INPP5B: variants seen among roughly 807,000 people sequenced by gnomAD.
The protein encoded by INPP5B is type II inositol 1,4,5-trisphosphate 5-phosphatase.
In INPP5B, 90 loss-of-function variants were observed where a neutral mutation model predicts 118.5. That is an observed-to-expected ratio of 0.76 (90% CI 0.64 to 0.90). The LOEUF is 0.90. Among genes scored for constraint, INPP5B ranks in the 40% least tolerant of loss-of-function variants. The probability of loss-of-function intolerance (pLI) is 0.00; values close to 1 mark genes in which losing one functional copy is unlikely to be tolerated. For missense variants in INPP5B, 984 were observed against 1,125.6 expected, an observed-to-expected ratio of 0.87 and a Z score of 1.80; for synonymous variants, 385 against 418.9, an observed-to-expected ratio of 0.92 and a Z score of 0.99.
intron 7 of INPP5B, among the ~76,000 whole-genome samples, chr1:37,896,862 G>A (rs1285454408): frequency 2.9e-5 from 4 of 137,340 alleles, no homozygotes; most frequent in Admixed American, 7.0e-5. Context: ...GGGGAAGTGA[G>A]GAGCCCCTCT....
At chr1:37,874,623 C>A (rs2148471699) in intron 17 of INPP5B, among the ~76,000 whole-genome samples, 1 of 152,268 alleles carries the variant, frequency 6.6e-6, no homozygotes, top group East Asian at 1.9e-4. Flanking sequence ...CATGGCAAAA[C>A]CCCATCTCTA....
rs970514789 is a variant in INPP5B, at chr1:37,886,055, G to A, written c.1132-230C>T. On this transcript the variant is annotated intron_variant, in intron 12 of 23. Coordinates refer to ENST00000373024, the MANE Select transcript of INPP5B (RefSeq NM_005540.3). ...TAGCTGGGTGTGGTGGCAGGCGCCT[G>A]TCATCCCAGCTACTCGGGAGGCTGA... Among the ~76,000 whole-genome samples, 4 of 152,090 alleles carry A rather than the reference G, an allele frequency of 2.6e-5. No homozygotes were observed. The East Asian group carries it at 7.8e-4, about 30-fold the overall frequency.
chr1:37,910,807 T>A (rs949914752), intron 7 of INPP5B, among the ~76,000 whole-genome samples: 1 of 152,158 alleles, frequency 6.6e-6, no homozygotes, highest in African/African-American at 2.4e-5. Context: ...TCGACCAAAT[T>A]GTCTTGCCTA....
intron 7 of INPP5B, among the ~76,000 whole-genome samples, chr1:37,894,610 G>A (rs1451892578): frequency 2.1e-5 from 3 of 145,756 alleles, no homozygotes; most frequent in African/African-American, 7.7e-5. Flanking sequence ...TGCCCAGGCT[G>A]GAGTGCAGTG....
At chr1:37,893,022 T>A (rs569416299) in intron 7 of INPP5B, among the ~76,000 whole-genome samples, 2 of 151,912 alleles carry the variant, frequency 1.3e-5, no homozygotes, top group African/African-American at 4.8e-5. Flanking sequence ...GAAAAATAAA[T>A]CTCTGATCTC....
At chr1:37,938,943 C>T (rs920667001) in intron 6 of INPP5B, among the ~76,000 whole-genome samples, 10 of 152,014 alleles carry the variant, frequency 6.6e-5, no homozygotes, top group Non-Finnish European at 1.5e-4. Context: ...CCTGTAATCC[C>T]AGCACTTTGG....
chr1:37,919,010 C>A (rs575710793), intron 7 of INPP5B, among the ~76,000 whole-genome samples: 1 of 152,308 alleles, frequency 6.6e-6, no homozygotes, highest in Admixed American at 6.5e-5. Context: ...CAGACATGCT[C>A]AAGGACATAG....
chr1:37,922,254 T>C (rs1002495649), intron 7 of INPP5B, among the ~76,000 whole-genome samples: 7 of 151,952 alleles, frequency 4.6e-5, no homozygotes, highest in African/African-American at 1.4e-4. Context: ...CCAGACATGG[T>C]GGCACATGTC....
At chr1:37,877,486 T>G (rs1281342346) in intron 16 of INPP5B, among the ~76,000 whole-genome samples, 2 of 152,184 alleles carry the variant, frequency 1.3e-5, no homozygotes, top group East Asian at 3.8e-4. Flanking sequence ...GACAAGGGTA[T>G]GGGAAAATAA....
chr1:37,876,181 G>A (rs1642790744), intron 16 of INPP5B, among the ~76,000 whole-genome samples: 1 of 149,924 alleles, frequency 6.7e-6, no homozygotes, highest in Non-Finnish European at 1.5e-5. Flanking sequence ...TTGGCTCACT[G>A]CAACCTCCGC....
intron 20 of INPP5B, 66 bp downstream of exon 20, chr1:37,868,435 C>A (rs996055800): frequency 8.7e-6 from 9 of 1,030,960 alleles, no homozygotes; most frequent in African/African-American, 6.3e-5. Context: ...GAAAAAAGTT[C>A]TTGGGGCTGA....
Position 37,880,057 on chromosome 1 carries a change from C to T in INPP5B, c.1541+28G>A, listed in dbSNP as rs550008668. The T allele has an allele frequency of 1.4e-5, 21 of 1,504,644 alleles. No individual in the cohort carries two copies. The Admixed American group carries it at 1.6e-4, about 11-fold the overall frequency. The allele number at this position is 1,504,644 out of a possible 1,614,324, so 93.2% of individuals were successfully genotyped here. ...CAGAATTTCTGGGTTTCCGTTTGCTCAACCCTTTGAAGCAACCTCTGACCT... is the reference window on the plus strand; with the variant it reads ...CAGAATTTCTGGGTTTCCGTTTGCTTAACCCTTTGAAGCAACCTCTGACCT... On this transcript the variant is annotated intron_variant, in intron 15 of 23. Coordinates refer to ENST00000373024, the MANE Select transcript of INPP5B (RefSeq NM_005540.3).
intron 7 of INPP5B, among the ~76,000 whole-genome samples, chr1:37,915,613 A>G (rs1644836671): frequency 6.6e-6 from 1 of 152,264 alleles, no homozygotes; most frequent in Non-Finnish European, 1.5e-5. Context: ...CTGTGTGCAT[A>G]GATACCACAC....
At chr1:37,922,366 G>A (rs184201348) in intron 7 of INPP5B, among the ~76,000 whole-genome samples, 4 of 152,144 alleles carry the variant, frequency 2.6e-5, no homozygotes, top group East Asian at 1.9e-4. Context: ...TCCAGCCTGG[G>A]TGACAGAGTG....
intron 7 of INPP5B, among the ~76,000 whole-genome samples, chr1:37,922,979 T>C (rs1197377091): frequency 6.6e-6 from 1 of 152,204 alleles, no homozygotes; most frequent in Admixed American, 6.5e-5. Context: ...TTCTGTGAAC[T>C]GTCTGTGGTC....
At position 37,887,415 on chromosome 1, in the gene INPP5B, G is replaced by A; in HGVS notation, c.950C>T (p.Pro317Leu). The A allele has an allele frequency of 6.2e-7, 1 of 1,613,662 alleles. No homozygotes were observed. Among genetic ancestry groups the A allele is most frequent in the South Asian group, 1.1e-5 (1 of 91,040 alleles). ...AGCTTTGAACCACTCTTCCTCCTTT[G>A]GGGTATCGTGAAAGAAAAAAGCTTC... Reference protein sequence around the residue: ...SKEAFFFHDTPKEEEWFKAVS... With the variant: ...SKEAFFFHDTLKEEEWFKAVS... Residue 317 changes from proline to leucine, a missense_variant, in exon 11 of 24, where the codon CCA (proline) becomes CTA (leucine). By Grantham distance (98) the Pro-to-Leu change is moderately conservative. Coordinates refer to ENST00000373024, the MANE Select transcript of INPP5B (RefSeq NM_005540.3).
In INPP5B at chr1:37,865,808, A is replaced by G. The variant is rs1395370030; in HGVS notation, c.2467T>C (p.Tyr823His). 1 of 1,613,728 alleles carries G rather than the reference A, an allele frequency of 6.2e-7. No homozygotes were observed. Among genetic ancestry groups the G allele is most frequent in the South Asian group, 1.1e-5 (1 of 91,074 alleles). Residue 823 changes from tyrosine (Y) to histidine (H), a missense_variant, in exon 22 of 24, where the codon TAC becomes CAC. Physicochemically the swap from Tyr to His is moderately conservative, Grantham distance 83 (BLOSUM62 2). This residue lies in a region of INPP5B where 634 missense variants were observed against 791.0 expected (regional missense o/e 0.80). Transcript: ENST00000373024. ...CCAGAACACTCCAAGCAGTTATGGT[A>G]GGTGCTGTAACAGATGACAGGCTCT... ...LPEPVICYST[Y>H]HNCLECSGNY...
intron 5 of INPP5B, among the ~76,000 whole-genome samples, chr1:37,941,225 C>G (rs1304637641): frequency 6.6e-6 from 1 of 152,066 alleles, no homozygotes; most frequent in Admixed American, 6.6e-5. Flanking sequence ...CACGTGGGCC[C>G]GTCTCAGGGA....
At chr1:37,922,777 T>G (rs1645102204) in intron 7 of INPP5B, among the ~76,000 whole-genome samples, 1 of 152,220 alleles carries the variant, frequency 6.6e-6, no homozygotes, top group Non-Finnish European at 1.5e-5. Context: ...AACCTGTAAG[T>G]TCTAGACTGG....
Sources: gnomAD v4.1 joint callset for allele counts (sites outside exome capture counted in the v4.1 genomes callset) on GRCh38, gnomAD v4.1.1 for gene constraint, gnomAD v4.1.1 regional missense constraint, MANE v1.5 for transcripts, NCBI Gene and HGNC (gene_info 2026-07-23, HGNC 2026-07-21) for gene names.